Variants in PDLIM1 observed in about 807,000 individuals in gnomAD.
The protein encoded by PDLIM1 is PDZ and LIM domain protein 1.
A neutral mutation model predicts 35.2 loss-of-function variants in PDLIM1; 25 were observed. The observed-to-expected ratio is 0.71, with a 90% confidence interval of 0.52 to 0.99. The LOEUF (loss-of-function observed/expected upper bound fraction) is 0.99. Ranked by LOEUF, PDLIM1 falls within the 50% of genes least tolerant of loss-of-function variation. The probability of loss-of-function intolerance (pLI) is 0.00; values close to 1 mark genes in which losing one functional copy is unlikely to be tolerated. For missense variants in PDLIM1, 363 were observed against 415.3 expected, an observed-to-expected ratio of 0.87 and a Z score of 1.09; for synonymous variants, 152 against 154.0, an observed-to-expected ratio of 0.99 and a Z score of 0.10.
intron 1 of PDLIM1, among the ~76,000 whole-genome samples, chr10:95,288,193 T>C (rs2035618520): frequency 6.6e-6 from 1 of 152,068 alleles, no homozygotes; most frequent in African/African-American, 2.4e-5. Context: ...AGTTAAAAAA[T>C]AAAAAAATTG....
rs1354615561 is a variant in PDLIM1 at position 95,263,986 on chromosome 10, G to A, written c.411C>T (p.Ala137=). 6.2e-7 allele frequency: 1 copy of A among 1,613,886 alleles called. No individual in the cohort carries two copies. The highest frequency in any genetic ancestry group is 1.3e-5 in the African/African-American group (1 of 75,048). The change falls in exon 4 of 7, where the codon GCC becomes GCT. Residue 137 remains alanine (A), a synonymous_variant. Coordinates refer to ENST00000329399, the MANE Select transcript of PDLIM1 (RefSeq NM_020992.4). ...FTASPASSTT[A]RVITNQYNNP... ...TGTTGTACTGGTTTGTGATGACCCT[G>A]GCAGTAGTGCTGGAGGCAGGCGAGG... is the stretch of plus-strand genomic sequence containing the variant.
At chr10:95,287,631 G>T (rs1032754914) in intron 1 of PDLIM1, among the ~76,000 whole-genome samples, 6 of 152,014 alleles carry the variant, frequency 3.9e-5, no homozygotes, top group Non-Finnish European at 8.8e-5. Flanking sequence ...TCCCTTGAAA[G>T]TAACTAGAGG....
chr10:95,242,165 A>G (rs2035184029), intron 5 of PDLIM1, among the ~76,000 whole-genome samples: 1 of 152,090 alleles, frequency 6.6e-6, no homozygotes, highest in Admixed American at 6.6e-5. Context: ...GGGAAGACTC[A>G]GTTCTGCCCC....
chr10:95,238,898 C>A, intron 5 of PDLIM1: 1 of 473,778 alleles, frequency 2.1e-6, no homozygotes, highest in Non-Finnish European at 3.8e-6. Flanking sequence ...AAAGAAAAGC[C>A]CAAAAAGCCA....
chr10:95,268,245 CTTTA>C (rs1357812329), intron 3 of PDLIM1, among the ~76,000 whole-genome samples: 3 of 152,084 alleles, frequency 2.0e-5, no homozygotes, highest in Admixed American at 1.3e-4. Flanking sequence ...TTAATTGCTG[CTTTA>C]TTTTAGTAAT....
At chr10:95,244,652 C>A (rs578205063) in intron 5 of PDLIM1, among the ~76,000 whole-genome samples, 2 of 151,950 alleles carry the variant, frequency 1.3e-5, no homozygotes, top group Non-Finnish European at 2.9e-5. Context: ...GTAATCCCAG[C>A]GCTTTGGGAG....
intron 5 of PDLIM1, 119 bp downstream of exon 5, chr10:95,247,096 T>G (rs987778437): frequency 4.8e-6 from 4 of 837,862 alleles, no homozygotes; most frequent in Non-Finnish European, 7.5e-6. Flanking sequence ...ATTTCAGCAT[T>G]TTAAAAGCCC....
chr10:95,282,436 T>C (rs2035568701), intron 1 of PDLIM1, among the ~76,000 whole-genome samples: 1 of 152,194 alleles, frequency 6.6e-6, no homozygotes, highest in South Asian at 2.1e-4. Context: ...CTCAGGGAAA[T>C]GAGGCAATAA....
At chr10:95,247,187 G>GCCTC in intron 5 of PDLIM1, 28 bp downstream of exon 5, 1 of 1,597,224 alleles carries the variant, frequency 6.3e-7, no homozygotes, top group Non-Finnish European at 8.5e-7. Context: ...TTGAACAAGA[G>GCCTC]CCTCTGACTG....
intron 5 of PDLIM1, among the ~76,000 whole-genome samples, chr10:95,239,843 AC>A (rs1339971807): frequency 1.3e-5 from 2 of 152,170 alleles, no homozygotes; most frequent in Non-Finnish European, 2.9e-5. Context: ...AAGAACATGA[AC>A]AGACAGTTTT....
Position 95,247,288 on chromosome 10 carries a change from C to T in PDLIM1, c.612G>A (p.Gln204=). 2 of 1,614,058 alleles carry T rather than the reference C, an allele frequency of 1.2e-6. No individual in the cohort carries two copies. Among genetic ancestry groups the T allele is most frequent in the Non-Finnish European group, 1.7e-6 (2 of 1,179,912 alleles). The change falls in exon 5 of 7, where the codon CAG becomes CAA. Residue 204 remains glutamine (Q), a synonymous_variant. Coordinates refer to ENST00000329399, the MANE Select transcript of PDLIM1 (RefSeq NM_020992.4). ...ACTGTTTCGGGGGCTCATTCAACTC[C>T]TGTTTCTCCTGAAGCATCTTGTAAA... is the stretch of plus-strand genomic sequence containing the variant. ...SEVYKMLQEK[Q]ELNEPPKQST...
Position 95,268,823 on chromosome 10 carries a change from T to C in PDLIM1, c.288A>G (p.Glu96=), listed in dbSNP as rs2035437482. 2.5e-6 allele frequency: 4 copies of C among 1,613,518 alleles called. No homozygotes were observed. Among genetic ancestry groups the C allele is most frequent in the African/African-American group, 1.3e-5 (1 of 75,042 alleles). ...HKVWSPLVTE[E]GKRHPYKMNL... is the part of the protein sequence containing the mutation. ...TCATCTTGTATGGATGACGCTTCCC[T>C]TCCTCCGTCACCAGAGGAGACCAGA... is the stretch of plus-strand genomic sequence containing the variant. Residue 96 remains glutamate, a synonymous_variant, in exon 3 of 7, where the codon GAA becomes GAG. Coordinates refer to ENST00000329399, the MANE Select transcript of PDLIM1 (RefSeq NM_020992.4).
chr10:95,286,593 C>CT (rs1223407758), intron 1 of PDLIM1, among the ~76,000 whole-genome samples: 2 of 152,210 alleles, frequency 1.3e-5, no homozygotes, highest in African/African-American at 4.8e-5. Context: ...GTCCTGGAAG[C>CT]TTCCCCCAGG....
At chr10:95,269,424 T>C (rs2035443029) in intron 2 of PDLIM1, among the ~76,000 whole-genome samples, 1 of 151,954 alleles carries the variant, frequency 6.6e-6, no homozygotes, top group African/African-American at 2.4e-5. Context: ...ATACAAAAAT[T>C]AGCCGGGTGT....
At chr10:95,248,790 C>T (rs936687066) in intron 4 of PDLIM1, among the ~76,000 whole-genome samples, 3 of 152,236 alleles carry the variant, frequency 2.0e-5, no homozygotes, top group Admixed American at 2.0e-4. Context: ...AGGCTTCCCG[C>T]TGTGCCTGGG....
At chr10:95,285,736 C>T (rs1395698845) in intron 1 of PDLIM1, among the ~76,000 whole-genome samples, 1 of 152,176 alleles carries the variant, frequency 6.6e-6, no homozygotes, top group Admixed American at 6.5e-5. Context: ...ATGATGCAGG[C>T]AGTGTACTTA....
intron 4 of PDLIM1, among the ~76,000 whole-genome samples, chr10:95,254,040 CAAAT>C (rs1258114659): frequency 2.6e-5 from 4 of 152,042 alleles, no homozygotes; most frequent in Non-Finnish European, 4.4e-5. Context: ...AAAATGATGT[CAAAT>C]AACCCACAGG....
At chr10:95,259,572 G>A (rs1030810833) in intron 4 of PDLIM1, among the ~76,000 whole-genome samples, 3 of 152,152 alleles carry the variant, frequency 2.0e-5, no homozygotes, top group African/African-American at 7.2e-5. Flanking sequence ...AAACCAGAGG[G>A]GTAATTGTGG....
Position 95,254,769 on chromosome 10 carries a change from A to T in PDLIM1, c.534-7403T>A, listed in dbSNP as rs572529949. On this transcript the variant is annotated intron_variant, in intron 4 of 6. Coordinates refer to ENST00000329399, the MANE Select transcript of PDLIM1 (RefSeq NM_020992.4). The stretch of plus-strand genomic sequence containing the variant: ...CTGTCTCTACAAAAATTACAAAAAA[A>T]ATTAACCAGACATAGTGACACATAC... 2.0e-4 allele frequency among the ~76,000 whole-genome samples: 31 copies of T among 152,212 alleles called. 1 individual carries two copies. The South Asian group carries it at 5.8e-3, about 29-fold the overall frequency.
Sources: allele counts gnomAD v4.1 joint callset (sites outside exome capture counted in the v4.1 genomes callset), GRCh38; gene constraint gnomAD v4.1.1; transcripts MANE v1.5; gene names NCBI Gene and HGNC (gene_info 2026-07-23, HGNC 2026-07-21).